The following EZH1 variants were observed in gnomAD, a reference collection of about 807,000 sequenced individuals.
EZH1 encodes the protein enhancer of zeste 1 polycomb repressive complex 2 subunit.
EZH1 carries 33 observed loss-of-function variants against 100.5 expected under a neutral mutation model. The ratio of observed to expected loss-of-function variants is 0.33; its 90% CI spans 0.25 to 0.44. The LOEUF is 0.44. Ranked by LOEUF, EZH1 falls within the 20% of genes least tolerant of loss-of-function variation. EZH1 has a pLI of 1.00. For missense variants in EZH1, 475 were observed against 928.4 expected, an observed-to-expected ratio of 0.51 and a Z score of 6.35; for synonymous variants, 272 against 313.8, an observed-to-expected ratio of 0.87 and a Z score of 1.41.
intron 19 of EZH1, 113 bp downstream of exon 19, chr17:42,703,627 G>C (rs1436247355): frequency 1.3e-6 from 1 of 755,940 alleles, no homozygotes; most frequent in Non-Finnish European, 2.3e-6. Context: ...TATTAATCAT[G>C]ATTATCTTTG....
chr17:42,720,229 C>T, intron 7 of EZH1, 44 bp downstream of exon 7: 2 of 1,574,942 alleles, frequency 1.3e-6, no homozygotes, highest in Non-Finnish European at 1.7e-6. Context: ...TCTTCCCTAT[C>T]CCTGTCACTT....
chr17:42,726,607 G>A (rs1223713973), intron 4 of EZH1, among the ~76,000 whole-genome samples: 1 of 151,816 alleles, frequency 6.6e-6, no homozygotes, highest in Non-Finnish European at 1.5e-5. Flanking sequence ...CACCTCCCGG[G>A]TTCAAGCAAT....
chr17:42,715,527 G>A (rs769483894), intron 10 of EZH1, among the ~76,000 whole-genome samples: 7 of 151,720 alleles, frequency 4.6e-5, no homozygotes, highest in African/African-American at 1.2e-4. Context: ...GATTACAGGC[G>A]TGAGCCACCA....
intron 1 of EZH1, among the ~76,000 whole-genome samples, chr17:42,738,496 C>T (rs944119503): frequency 6.6e-6 from 1 of 151,492 alleles, no homozygotes; most frequent in African/African-American, 2.4e-5. Context: ...GCTGGGATTA[C>T]AGACGTGAGC....
In EZH1 at chr17:42,712,437, G is replaced by A; in HGVS notation, c.1253C>T (p.Ala418Val). The A allele has an allele frequency of 6.2e-7, 1 of 1,614,200 alleles. No individual in the cohort carries two copies. Among genetic ancestry groups the A allele is most frequent in the Non-Finnish European group, 8.5e-7 (1 of 1,180,032 alleles). The change falls in exon 12 of 21, where the codon GCC becomes GTC. Residue 418 changes from alanine to valine, a missense_variant. Physicochemically the swap from Ala to Val is moderately conservative, Grantham distance 64. This residue lies in a region of EZH1 where 83 missense variants were observed against 142.1 expected (regional missense o/e 0.58). Coordinates refer to ENST00000428826, the MANE Select transcript of EZH1 (RefSeq NM_001991.5). ...QTPTKQKASP[A>V]PPQLCVVEAP... Reference sequence around the variant, plus strand: ...TTCCACTACGCAGAGTTGAGGTGGGGCTGGACTAGCCTTCTGTTTTGTGGG... The same window carrying A: ...TTCCACTACGCAGAGTTGAGGTGGGACTGGACTAGCCTTCTGTTTTGTGGG...
At chr17:42,731,287 T>A (rs750886695) in intron 1 of EZH1, among the ~76,000 whole-genome samples, 51 of 151,790 alleles carry the variant, frequency 3.4e-4, no homozygotes, top group Non-Finnish European at 5.4e-4. Context: ...CCGGCCAAAT[T>A]TTTTTGTATT....
chr17:42,720,256 G>C lies in EZH1; in HGVS notation c.664+17C>G, dbSNP rs752883730. ...CTGTCACTTTAAAAAAGGAATAAGG[G>C]AGCCAGTGCTACGTACCTTCAATAG... On this transcript the variant is annotated intron_variant, in intron 7 of 20. Transcript: ENST00000428826. 3.6e-5 allele frequency: 58 copies of C among 1,602,632 alleles called. No homozygotes were observed. In the South Asian group the frequency reaches 5.4e-4, roughly 15 times the overall value.
chr17:42,724,576 G>A (rs1207770334), intron 4 of EZH1, 152 bp from the exon 5 acceptor site: 4 of 756,142 alleles, frequency 5.3e-6, no homozygotes, highest in Admixed American at 5.5e-5. Flanking sequence ...CTTGAAGTCA[G>A]TTGGAGACCA....
chr17:42,718,416 AGAGAG>A lies in EZH1; in HGVS notation c.931+33_931+37del, dbSNP rs781431007. 6.2e-7 allele frequency: 1 copy of A among 1,609,488 alleles called. No homozygotes were observed. Among genetic ancestry groups the A allele is most frequent in the Non-Finnish European group, 8.5e-7 (1 of 1,177,766 alleles). ...GAAGGAAATGGTGGCTGGGGATGGA[AGAGAG>A]GAGAGCATTTCAAACAGAGTAGCCC... On this transcript the variant is annotated intron_variant, in intron 9 of 20. Transcript: ENST00000428826. This position sits in a 1 kb window ranked among gnomAD's most constrained non-coding sequence, Gnocchi z 4.2.
chr17:42,703,705 TC>T (rs1567982270), intron 19 of EZH1, 34 bp downstream of exon 19: 1 of 1,476,380 alleles, frequency 6.8e-7, no homozygotes, highest in East Asian at 2.3e-5. Flanking sequence ...GAGGCATCCA[TC>T]CCCCACCCCA....
At chr17:42,722,752 C>T (rs1257682337) in intron 6 of EZH1, 43 bp downstream of exon 6, 2 of 1,597,852 alleles carry the variant, frequency 1.3e-6, no homozygotes, top group African/African-American at 1.3e-5. Flanking sequence ...AAGAAGAGGC[C>T]TGATTCTAAC....
chr17:42,724,183 C>A, intron 5 of EZH1, 122 bp downstream of exon 5: 1 of 1,132,332 alleles, frequency 8.8e-7, no homozygotes. Context: ...CAACCTTGTT[C>A]TGCCCTGCAT....
intron 10 of EZH1, among the ~76,000 whole-genome samples, chr17:42,717,147 T>C (rs1206105541): frequency 6.6e-6 from 1 of 152,176 alleles, no homozygotes; most frequent in East Asian, 1.9e-4. Context: ...GACACTGTTA[T>C]AGGATGAAAA....
At position 42,718,441 on chromosome 17, in the gene EZH1, T is replaced by G; in HGVS notation, c.931+13A>C. 6.2e-7 allele frequency: 1 copy of G among 1,612,300 alleles called. No homozygotes were observed. Among genetic ancestry groups the G allele is most frequent in the African/African-American group, 1.3e-5 (1 of 74,852 alleles). On this transcript the variant is annotated intron_variant, in intron 9 of 20. Coordinates refer to ENST00000428826, the MANE Select transcript of EZH1 (RefSeq NM_001991.5). This position sits in a 1 kb window ranked among gnomAD's most constrained non-coding sequence, Gnocchi z 4.2. ...AGAGAGGAGAGCATTTCAAACAGAG[T>G]AGCCCCACTCACGGTGAAGGAAGCA...
intron 1 of EZH1, among the ~76,000 whole-genome samples, chr17:42,735,792 C>G (rs1448059558): frequency 6.6e-6 from 1 of 152,132 alleles, no homozygotes; most frequent in East Asian, 1.9e-4. Context: ...TCGAGACCAG[C>G]CTGACCAACA....
At chr17:42,724,506 T>C in intron 4 of EZH1, 82 bp from the exon 5 acceptor site, 1 of 1,529,706 alleles carries the variant, frequency 6.5e-7, no homozygotes, top group Non-Finnish European at 8.9e-7. Context: ...CAAAATTGGC[T>C]GGGCATAGTG....
chr17:42,702,820 A>G, intron 20 of EZH1, 57 bp downstream of exon 20: 1 of 1,576,774 alleles, frequency 6.3e-7, no homozygotes, highest in Non-Finnish European at 8.7e-7. Flanking sequence ...ATCTATTCCA[A>G]CAGCCACTCT....
chr17:42,710,803 T>G (rs570239094), intron 12 of EZH1, among the ~76,000 whole-genome samples: 56 of 147,214 alleles, frequency 3.8e-4, no homozygotes, highest in Admixed American at 3.2e-3. Context: ...TTTTTTTTTT[T>G]GTAGAAATGG....
chr17:42,718,809 T>C lies in EZH1; in HGVS notation c.768-192A>G, dbSNP rs2053653663. On this transcript the variant is annotated intron_variant, in intron 8 of 20. Coordinates refer to ENST00000428826, the MANE Select transcript of EZH1 (RefSeq NM_001991.5). The surrounding 1 kb of genome is among the most constrained non-coding windows in gnomAD (Gnocchi z 4.2). The stretch of plus-strand genomic sequence containing the variant: ...TTGTAATTATGCTGGGTTGGGCAAA[T>C]GTTGGAAAGTAAGGGGAGGGAAGGA... 6.6e-6 allele frequency among the ~76,000 whole-genome samples: 1 copy of C among 151,966 alleles called. No individual in the cohort carries two copies. The highest frequency in any genetic ancestry group is 2.4e-5 in the African/African-American group (1 of 41,366).
Sources: gnomAD v4.1 joint callset for allele counts (sites outside exome capture counted in the v4.1 genomes callset) on GRCh38, gnomAD v4.1.1 for gene constraint, gnomAD v4.1.1 regional missense constraint, Gnocchi (gnomAD v3.1) non-coding constraint, MANE v1.5 for transcripts, NCBI Gene and HGNC (gene_info 2026-07-23, HGNC 2026-07-21) for gene names.